The following WDR70 variants were observed in gnomAD, a reference collection of about 807,000 sequenced individuals.
WDR70 encodes WD repeat-containing protein 70.
A neutral mutation model predicts 88.6 loss-of-function variants in WDR70; 53 were observed. The ratio of observed to expected loss-of-function variants is 0.60; its 90% CI spans 0.48 to 0.75. WDR70 has a LOEUF of 0.75. Among genes scored for constraint, WDR70 ranks in the 30% least tolerant of loss-of-function variants. The pLI, the probability that WDR70 is intolerant of heterozygous loss-of-function variation, is 0.00. For missense variants in WDR70, 610 were observed against 823.2 expected (o/e 0.74, Z 3.17); for synonymous variants, 280 against 270.0 (o/e 1.04, Z -0.36).
chr5:37,715,530 TTA>T (rs1747629778), intron 13 of WDR70, among the ~76,000 whole-genome samples: 1 of 152,146 alleles, frequency 6.6e-6, no homozygotes, highest in Admixed American at 6.6e-5. Context: ...GTGATGAGTC[TTA>T]GTTATTGGAG....
At chr5:37,727,588 T>C (rs2112707161) in intron 17 of WDR70, among the ~76,000 whole-genome samples, 1 of 152,254 alleles carries the variant, frequency 6.6e-6, no homozygotes, top group East Asian at 1.9e-4. Flanking sequence ...TTTATTTATT[T>C]ATTTAGAGTC....
In WDR70 at chr5:37,632,626, G is replaced by C. The variant is rs1270836935; in HGVS notation, c.1092+27388G>C. On this transcript the variant is annotated intron_variant, in intron 10 of 17. Coordinates refer to ENST00000265107, the MANE Select transcript of WDR70 (RefSeq NM_018034.4). The stretch of plus-strand genomic sequence containing the variant: ...TTTATAGAGTAAGGATATAAAGAAA[G>C]AAAATATTTTGTATAGCTATACAAT... 2.0e-5 allele frequency among the ~76,000 whole-genome samples: 3 copies of C among 152,044 alleles called. No individual in the cohort carries two copies. In the East Asian group the frequency reaches 5.8e-4, roughly 29 times the overall value.
chr5:37,555,385 G>T (rs555298634), intron 9 of WDR70, among the ~76,000 whole-genome samples: 1 of 152,250 alleles, frequency 6.6e-6, no homozygotes, highest in Admixed American at 6.5e-5. Flanking sequence ...ATTGATGAAT[G>T]AATTTCTTAA....
chr5:37,653,680 G>A (rs903160372), intron 10 of WDR70, among the ~76,000 whole-genome samples: 1 of 152,164 alleles, frequency 6.6e-6, no homozygotes, highest in African/African-American at 2.4e-5. Flanking sequence ...GGGTGTATGT[G>A]TCCAAGAATT....
chr5:37,399,235 G>A lies in WDR70; in HGVS notation c.492+2665G>A, dbSNP rs915831162. Among the ~76,000 whole-genome samples, 7 of 152,146 alleles carry A rather than the reference G, an allele frequency of 4.6e-5. 1 individual carries two copies. Among genetic ancestry groups the A allele is most frequent in the Admixed American group, 1.3e-4 (2 of 15,272 alleles). On this transcript the variant is annotated intron_variant, in intron 5 of 17. Coordinates refer to ENST00000265107, the MANE Select transcript of WDR70 (RefSeq NM_018034.4). ...AGAGCTTGCAGTGAGCCGAGATGGCGCCACTGCACTCCAGTCTGGGTGACA... is the reference window on the plus strand; with the variant it reads ...AGAGCTTGCAGTGAGCCGAGATGGCACCACTGCACTCCAGTCTGGGTGACA...
At chr5:37,509,029 AT>A (rs1430644136) in intron 8 of WDR70, among the ~76,000 whole-genome samples, 1 of 152,132 alleles carries the variant, frequency 6.6e-6, no homozygotes, top group African/African-American at 2.4e-5. Context: ...TAAGATTATT[AT>A]AATAGTAATA....
chr5:37,387,365 G>A (rs1315901932), intron 3 of WDR70, among the ~76,000 whole-genome samples: 3 of 152,032 alleles, frequency 2.0e-5, no homozygotes, highest in African/African-American at 7.2e-5. Context: ...TCTTAGTAAA[G>A]CATGTATGCA....
At chr5:37,737,486 G>A (rs181802237) in intron 17 of WDR70, among the ~76,000 whole-genome samples, 17 of 152,262 alleles carry the variant, frequency 1.1e-4, no homozygotes, top group South Asian at 1.0e-3. Flanking sequence ...GGGAACACTG[G>A]ACTAAGAATC....
intron 8 of WDR70, among the ~76,000 whole-genome samples, chr5:37,513,039 A>C (rs1015746491): frequency 5.3e-5 from 8 of 152,114 alleles, no homozygotes; most frequent in African/African-American, 1.9e-4. Flanking sequence ...TTATTCTTTC[A>C]GTATATGTGT....
intron 9 of WDR70, among the ~76,000 whole-genome samples, chr5:37,561,558 A>G (rs910281817): frequency 1.1e-4 from 16 of 152,194 alleles, no homozygotes; most frequent in Non-Finnish European, 1.9e-4. Context: ...TAGAATCAGG[A>G]AGAATTCATT....
intron 4 of WDR70, 33 bp from the exon 5 acceptor site, chr5:37,396,342 A>T: frequency 6.4e-7 from 1 of 1,559,442 alleles, no homozygotes; most frequent in Non-Finnish European, 8.7e-7. Flanking sequence ...TCATTGCAGC[A>T]GAGGCAAAGA....
intron 13 of WDR70, among the ~76,000 whole-genome samples, chr5:37,706,737 A>G (rs117515815): frequency 1.3e-4 from 7 of 55,370 alleles, no homozygotes; most frequent in Non-Finnish European, 2.7e-4. Context: ...ACACACACAC[A>G]CGCACACAGA....
At chr5:37,481,840 G>T (rs1489049931) in intron 8 of WDR70, among the ~76,000 whole-genome samples, 1 of 152,162 alleles carries the variant, frequency 6.6e-6, no homozygotes, top group African/African-American at 2.4e-5. Context: ...ATGCTTTGCT[G>T]CTTAGAAATG....
At chr5:37,495,694 T>C (rs968093779) in intron 8 of WDR70, among the ~76,000 whole-genome samples, 9 of 152,210 alleles carry the variant, frequency 5.9e-5, no homozygotes, top group African/African-American at 2.2e-4. Context: ...AGTAGTTTAT[T>C]TGGTGAAAAA....
chr5:37,606,386 C>A (rs904379860), intron 10 of WDR70, among the ~76,000 whole-genome samples: 1 of 152,074 alleles, frequency 6.6e-6, no homozygotes, highest in Non-Finnish European at 1.5e-5. Context: ...TTTAACCAAG[C>A]AGTAAATTTT....
intron 10 of WDR70, among the ~76,000 whole-genome samples, chr5:37,644,809 G>T (rs757609588): frequency 7.3e-5 from 11 of 151,626 alleles, no homozygotes; most frequent in Non-Finnish European, 1.6e-4. Context: ...CTGTAGTATT[G>T]GTTGTAATAG....
At chr5:37,485,851 C>G (rs1235326056) in intron 8 of WDR70, among the ~76,000 whole-genome samples, 1 of 141,224 alleles carries the variant, frequency 7.1e-6, no homozygotes, top group Non-Finnish European at 1.5e-5. Context: ...GCCACCATGC[C>G]TGGCTAATTT....
chr5:37,721,424 G>T (rs1747812596), intron 14 of WDR70: 2 of 573,970 alleles, frequency 3.5e-6, no homozygotes, highest in African/African-American at 1.9e-5. Flanking sequence ...AATTCAAAGC[G>T]AAAGTTTCCT....
chr5:37,707,936 AAAAAAAAAAAAAATATATATATAT>A (rs1747384594), intron 13 of WDR70, among the ~76,000 whole-genome samples: 2 of 36,348 alleles, frequency 5.5e-5, no homozygotes, highest in Non-Finnish European at 1.1e-4. Context: ...AAAAAAAAAA[AAAAAAAAAAAAAATATATATATAT>A]ATATATATAT....
Sources: gnomAD v4.1 joint callset for allele counts (sites outside exome capture counted in the v4.1 genomes callset) on GRCh38, gnomAD v4.1.1 for gene constraint, MANE v1.5 for transcripts, NCBI Gene and HGNC (gene_info 2026-07-23, HGNC 2026-07-21) for gene names.